Variants in SPOCK1 observed in about 807,000 individuals in gnomAD.
SPOCK1 encodes testican-1.
SPOCK1 carries 23 observed loss-of-function variants against 55.3 expected under a neutral mutation model. The observed-to-expected ratio is 0.42, with a 90% CI of 0.30 to 0.59. The LOEUF is 0.59. Ranked by LOEUF, SPOCK1 falls within the 20% of genes least tolerant of loss-of-function variation. The pLI, the probability that SPOCK1 is intolerant of heterozygous loss-of-function variation, is 0.22. For synonymous variants in SPOCK1, 226 were observed against 221.0 expected (o/e 1.02, Z -0.20); for missense variants, 499 against 552.5 (o/e 0.90, Z 0.97).
At chr5:137,043,102 A>G (rs1294826797) in intron 6 of SPOCK1, among the ~76,000 whole-genome samples, 10 of 152,174 alleles carry the variant, frequency 6.6e-5, no homozygotes, top group African/African-American at 2.4e-4. Flanking sequence ...AAATTACAGA[A>G]GTGTTCAAGA....
chr5:137,283,855 C>T (rs926994558), intron 2 of SPOCK1, among the ~76,000 whole-genome samples: 1 of 152,178 alleles, frequency 6.6e-6, no homozygotes. Flanking sequence ...CTACTACAGA[C>T]CTGAAATAGG....
chr5:137,176,389 T>C (rs1009019729), intron 3 of SPOCK1, among the ~76,000 whole-genome samples: 6 of 152,140 alleles, frequency 3.9e-5, no homozygotes, highest in Admixed American at 2.0e-4. Context: ...GGGAAGACTC[T>C]TGGATGTCCT....
At chr5:137,448,868 G>A (rs1187868753) in intron 2 of SPOCK1, among the ~76,000 whole-genome samples, 4 of 152,264 alleles carry the variant, frequency 2.6e-5, no homozygotes, top group East Asian at 1.9e-4. Flanking sequence ...TCCTCCCGTG[G>A]GGCAGGGCCC....
intron 3 of SPOCK1, among the ~76,000 whole-genome samples, chr5:137,216,992 G>A (rs991769145): frequency 6.6e-6 from 1 of 152,150 alleles, no homozygotes; most frequent in Non-Finnish European, 1.5e-5. Context: ...GAGGCAGGAG[G>A]TGGGTTAGGA....
intron 2 of SPOCK1, among the ~76,000 whole-genome samples, chr5:137,475,264 T>A (rs1753813427): frequency 6.6e-6 from 1 of 152,054 alleles, no homozygotes; most frequent in African/African-American, 2.4e-5. Flanking sequence ...CCTGAACCCT[T>A]GAAAAATAAC....
intron 3 of SPOCK1, among the ~76,000 whole-genome samples, chr5:137,173,321 G>A (rs1754790003): frequency 6.6e-6 from 1 of 152,138 alleles, no homozygotes; most frequent in Non-Finnish European, 1.5e-5. Flanking sequence ...AGGGCCCTCA[G>A]ATTCTGCTCA....
At chr5:137,124,053 C>T (rs1753734318) in intron 4 of SPOCK1, among the ~76,000 whole-genome samples, 1 of 152,054 alleles carries the variant, frequency 6.6e-6, no homozygotes, top group Non-Finnish European at 1.5e-5. Context: ...GATTTGGAAC[C>T]ACCACCGAAG....
intron 2 of SPOCK1, among the ~76,000 whole-genome samples, chr5:137,474,429 A>G (rs1004908998): frequency 3.3e-5 from 5 of 152,168 alleles, no homozygotes; most frequent in African/African-American, 1.2e-4. Flanking sequence ...TTTGATTTAC[A>G]CTGAAAGTAT....
intron 2 of SPOCK1, among the ~76,000 whole-genome samples, chr5:137,488,608 G>C (rs1222434009): frequency 6.6e-6 from 1 of 152,188 alleles, no homozygotes; most frequent in East Asian, 1.9e-4. Context: ...AATTGAGTTA[G>C]AGCGTGACTC....
At chr5:137,134,236 T>C (rs528138361) in intron 4 of SPOCK1, among the ~76,000 whole-genome samples, 5 of 152,372 alleles carry the variant, frequency 3.3e-5, no homozygotes, top group South Asian at 2.1e-4. Flanking sequence ...AGATTTCTCC[T>C]GCAAAGTGTG....
intron 2 of SPOCK1, among the ~76,000 whole-genome samples, chr5:137,436,169 T>C (rs1377149149): frequency 1.3e-5 from 2 of 152,146 alleles, no homozygotes; most frequent in African/African-American, 4.8e-5. Flanking sequence ...AAAAACTATA[T>C]ATATATTAAT....
chr5:137,206,442 A>C (rs1755522264), intron 3 of SPOCK1, among the ~76,000 whole-genome samples: 1 of 152,242 alleles, frequency 6.6e-6, no homozygotes, highest in Non-Finnish European at 1.5e-5. Flanking sequence ...AGCATATGAA[A>C]AAGCCAACAA....
intron 5 of SPOCK1, among the ~76,000 whole-genome samples, chr5:137,085,219 C>T (rs575351638): frequency 2.5e-4 from 38 of 152,236 alleles, no homozygotes; most frequent in African/African-American, 7.9e-4. Context: ...GCCCACCCTA[C>T]GCTCACAGGG....
At chr5:137,430,330 C>T (rs1378274392) in intron 2 of SPOCK1, among the ~76,000 whole-genome samples, 1 of 152,216 alleles carries the variant, frequency 6.6e-6, no homozygotes, top group Admixed American at 6.5e-5. Flanking sequence ...ATCCATCACC[C>T]CAGCTCATAC....
chr5:137,211,338 C>T (rs1755611128), intron 3 of SPOCK1, among the ~76,000 whole-genome samples: 1 of 152,178 alleles, frequency 6.6e-6, no homozygotes, highest in South Asian at 2.1e-4. Context: ...GGTCCTACAA[C>T]TACAAAATAC....
rs776847323 is a variant in SPOCK1 at position 136,979,453 on chromosome 5, C to T, written c.1008G>A (p.Arg336=). The change falls in exon 10 of 11, where the codon CGG becomes CGA. Residue 336 remains arginine, a synonymous_variant. Transcript: ENST00000394945. ...GKSLLGAFIP[R]CNEEGYYKAT... ...CTTTGTAATAGCCCTCCTCATTACA[C>T]CGAGGTATGAAGGCCCCTGGGGGAA... The T allele has an allele frequency of 1.9e-6, 3 of 1,613,924 alleles. No individual in the cohort carries two copies. Among genetic ancestry groups the T allele is most frequent in the Non-Finnish European group, 2.5e-6 (3 of 1,179,938 alleles).
At chr5:137,022,723 T>C (rs897209345) in intron 6 of SPOCK1, among the ~76,000 whole-genome samples, 21 of 152,300 alleles carry the variant, frequency 1.4e-4, no homozygotes, top group African/African-American at 4.8e-4. Context: ...ATAGGATATA[T>C]TGCATGAAAG....
rs549213147 is a variant in SPOCK1, at chr5:137,418,514, G to A, written c.186+79859C>T. On this transcript the variant is annotated intron_variant, in intron 2 of 10. Transcript: ENST00000394945. ...TCGCCATTCTAACTGGTGTGAGATG[G>A]TATCTCATTGTGGTTTTGATTTGCA... Among the ~76,000 whole-genome samples, 842 of 152,182 alleles carry A rather than the reference G, an allele frequency of 5.5e-3. 5 individuals are homozygous for A. The highest frequency in any genetic ancestry group is 9.4e-3 in the Non-Finnish European group (640 of 67,996).
chr5:137,161,881 C>A (rs1366125854), intron 3 of SPOCK1, among the ~76,000 whole-genome samples: 1 of 152,084 alleles, frequency 6.6e-6, no homozygotes, highest in African/African-American at 2.4e-5. Context: ...GAATAAGATC[C>A]AATAGCTGTC....
Sources: gnomAD v4.1 joint callset for allele counts (sites outside exome capture counted in the v4.1 genomes callset) on GRCh38, gnomAD v4.1.1 for gene constraint, MANE v1.5 for transcripts, NCBI Gene and HGNC (gene_info 2026-07-23, HGNC 2026-07-21) for gene names.